The following GMPS variants were observed in gnomAD, a reference collection of about 807,000 sequenced individuals.
GMPS encodes GMP synthase [glutamine-hydrolyzing].
A neutral mutation model predicts 77.9 loss-of-function variants in GMPS; 15 were observed. The observed-to-expected ratio is 0.19, with a 90% CI of 0.13 to 0.30. The LOEUF is 0.30. Among genes scored for constraint, GMPS ranks in the 10% least tolerant of loss-of-function variants. The pLI is 1.00. For synonymous variants in GMPS, 224 were observed against 275.9 expected (o/e 0.81, Z 1.86); for missense variants, 590 against 838.8 (o/e 0.70, Z 3.66).
intron 1 of GMPS, among the ~76,000 whole-genome samples, chr3:155,882,495 C>T (rs879941154): frequency 2.0e-5 from 3 of 152,204 alleles, no homozygotes; most frequent in Admixed American, 1.3e-4. Context: ...TATCAGGTTT[C>T]TCATTAACCT....
At position 155,943,766 on chromosome 3, in the gene GMPS, G is replaced by A. The variant is rs2108165748; in HGVS notation, c.*6074G>A. ...TTTGTCATGAAGCTTCCGTGTTTAT[G>A]AGAAATTCCAAGAAGTAAGAGCCAA... On this transcript the variant is annotated 3_prime_UTR_variant, in exon 16 of 16. Coordinates refer to ENST00000496455, the MANE Select transcript of GMPS (RefSeq NM_003875.3). 6.3e-6 allele frequency: 1 copy of A among 159,662 alleles called. No homozygotes were observed. Among genetic ancestry groups the A allele is most frequent in the East Asian group, 1.5e-4 (1 of 6,682 alleles). The allele number at this position is 159,662 out of a possible 1,614,324, so 9.9% of individuals were successfully genotyped here. A position where few individuals can be genotyped will look rare whatever the true frequency, so the allele number is the denominator to read the frequency against.
At chr3:155,916,409 C>G (rs191595298) in intron 9 of GMPS, among the ~76,000 whole-genome samples, 30 of 152,216 alleles carry the variant, frequency 2.0e-4, no homozygotes, top group Admixed American at 6.5e-4. Context: ...CCCCCAGCTC[C>G]TCCTTTCCTC....
rs186724755 is a variant in GMPS at position 155,877,645 on chromosome 3, A to G, written c.27+6748A>G. On this transcript the variant is annotated intron_variant, in intron 1 of 15. Transcript: ENST00000496455. Reference sequence around the variant, plus strand: ...TCTGTTGGGGCCGCTAAAACAAAATACCAGAAACTGAGTGGCTTATGAACA... The same window carrying G: ...TCTGTTGGGGCCGCTAAAACAAAATGCCAGAAACTGAGTGGCTTATGAACA... Among the ~76,000 whole-genome samples the G allele has an allele frequency of 2.6e-5, 4 of 152,302 alleles. No individual in the cohort carries two copies. In the East Asian group the frequency reaches 7.7e-4, roughly 29 times the overall value.
intron 1 of GMPS, among the ~76,000 whole-genome samples, chr3:155,874,061 A>G (rs1337317073): frequency 1.3e-5 from 2 of 152,186 alleles, no homozygotes; most frequent in African/African-American, 4.8e-5. Flanking sequence ...CTGAGTCTCC[A>G]AAGTCCATTG....
At chr3:155,911,620 T>C (rs1755040241) in intron 7 of GMPS, among the ~76,000 whole-genome samples, 1 of 152,104 alleles carries the variant, frequency 6.6e-6, no homozygotes, top group Non-Finnish European at 1.5e-5. Flanking sequence ...GTGGATCACC[T>C]GAGGTCAGGA....
intron 1 of GMPS, among the ~76,000 whole-genome samples, chr3:155,882,653 AT>A (rs1754238193): frequency 6.6e-6 from 1 of 152,202 alleles, no homozygotes; most frequent in Admixed American, 6.5e-5. Context: ...AATCCAATAT[AT>A]TTTAAAAGCC....
At chr3:155,899,074 T>C (rs575098626) in intron 3 of GMPS, among the ~76,000 whole-genome samples, 2 of 134,560 alleles carry the variant, frequency 1.5e-5, no homozygotes, top group African/African-American at 5.7e-5. Flanking sequence ...CTATTAAAAA[T>C]AACAAAAGTT....
Position 155,889,258 on chromosome 3 carries a change from C to T in GMPS, c.28-4260C>T, listed in dbSNP as rs185005461. 1.1e-3 allele frequency among the ~76,000 whole-genome samples: 160 copies of T among 152,224 alleles called. 1 individual carries two copies. Among genetic ancestry groups the T allele is most frequent in the Non-Finnish European group, 1.1e-3 (77 of 68,014 alleles). ...TCTGTTCCTTCTCCCTTTTTCCTGT[C>T]CTGTTAGTTTTGGTCATCTCCCAGC... On this transcript the variant is annotated intron_variant, in intron 1 of 15. Transcript: ENST00000496455.
At position 155,903,900 on chromosome 3, in the gene GMPS, A is replaced by C; in HGVS notation, c.362A>C (p.Lys121Thr). The change falls in exon 4 of 16, where the codon AAA (lysine) becomes ACA (threonine). Residue 121 changes from lysine to threonine, a missense_variant. By Grantham distance (78) the Lys-to-Thr change is moderately conservative (BLOSUM62 -1). Around this residue, in one of 6 missense-constraint regions of GMPS, gnomAD observed 136 missense variants for 225.6 expected, o/e 0.60. Transcript: ENST00000496455. Reference protein sequence around the residue: ...NKVFGGTVHKKSVREDGVFNI... With the variant: ...NKVFGGTVHKTSVREDGVFNI... The stretch of plus-strand genomic sequence containing the variant: ...GTATTTGGAGGTACTGTGCACAAAA[A>C]AAGTGTCAGAGAAGATGGAGTTTTC... 1.9e-6 allele frequency: 3 copies of C among 1,562,318 alleles called. No individual in the cohort carries two copies. Among genetic ancestry groups the C allele is most frequent in the Non-Finnish European group, 1.7e-6 (2 of 1,145,264 alleles).
intron 12 of GMPS, among the ~76,000 whole-genome samples, chr3:155,926,040 C>T (rs1157121642): frequency 6.6e-6 from 1 of 152,108 alleles, no homozygotes; most frequent in Non-Finnish European, 1.5e-5. Flanking sequence ...GAGACAGGGT[C>T]TTGCCCTGTC....
intron 10 of GMPS, among the ~76,000 whole-genome samples, 191 bp downstream of exon 10, chr3:155,919,529 A>G (rs1159153919): frequency 6.6e-6 from 1 of 152,158 alleles, no homozygotes; most frequent in Non-Finnish European, 1.5e-5. Context: ...TTAAATACTC[A>G]TTTTCCATTG....
At chr3:155,914,265 T>C (rs1017108863) in intron 7 of GMPS, among the ~76,000 whole-genome samples, 154 bp from the exon 8 acceptor site, 11 of 152,108 alleles carry the variant, frequency 7.2e-5, no homozygotes, top group African/African-American at 1.9e-4. Flanking sequence ...TGAATATTGA[T>C]AGTTTATTGA....
intron 13 of GMPS, among the ~76,000 whole-genome samples, chr3:155,933,321 G>A (rs1281547187): frequency 6.6e-6 from 1 of 152,144 alleles, no homozygotes; most frequent in Non-Finnish European, 1.5e-5. Context: ...TTGGATAAGG[G>A]AATCTTTGTA....
At position 155,937,743 on chromosome 3, in the gene GMPS, A is replaced by G. The variant is rs989718305; in HGVS notation, c.*51A>G. 7 of 835,170 alleles carry G rather than the reference A, an allele frequency of 8.4e-6. No homozygotes were observed. The African/African-American group carries it at 1.2e-4, about 14-fold the overall frequency. The allele number at this position is 835,170 out of a possible 1,614,324, so 51.7% of individuals were successfully genotyped here. On this transcript the variant is annotated 3_prime_UTR_variant, in exon 16 of 16. Coordinates refer to ENST00000496455, the MANE Select transcript of GMPS (RefSeq NM_003875.3). ...CGTGTGCAGTTTAAATTGATTAGAA[A>G]TCATTCCCATTATTGACATGCAGTA...
chr3:155,899,629 A>T (rs767150073), intron 3 of GMPS, among the ~76,000 whole-genome samples: 1 of 152,146 alleles, frequency 6.6e-6, no homozygotes, highest in Non-Finnish European at 1.5e-5. Flanking sequence ...CAAAGTCCTT[A>T]GTTTAGATTA....
chr3:155,927,465 A>C (rs552470410), intron 12 of GMPS, among the ~76,000 whole-genome samples: 106 of 152,334 alleles, frequency 7.0e-4, no homozygotes, highest in African/African-American at 2.5e-3. Flanking sequence ...AGATAATCTG[A>C]TGAATGAGTG....
chr3:155,920,354 C>T (rs954994359), intron 10 of GMPS, among the ~76,000 whole-genome samples: 10 of 151,872 alleles, frequency 6.6e-5, no homozygotes, highest in African/African-American at 2.2e-4. Context: ...ACCTGCATGC[C>T]GGCGAAGAAT....
rs1047083656 is a variant in GMPS at position 155,941,201 on chromosome 3, G to C, written c.*3509G>C. 2 of 177,110 alleles carry C rather than the reference G, an allele frequency of 1.1e-5. No individual in the cohort carries two copies. The highest frequency in any genetic ancestry group is 2.4e-5 in the Non-Finnish European group (2 of 82,488). 11.0% of individuals were successfully genotyped at this position (177,110 alleles called of 1,614,324 possible). A position where few individuals can be genotyped will look rare whatever the true frequency, so the allele number is the denominator to read the frequency against. On this transcript the variant is annotated 3_prime_UTR_variant, in exon 16 of 16. Transcript: ENST00000496455. ...GGGTGGATCACGAGATCAGGAGATC[G>C]AGACCATCTTGGCTAACACGGTGAA...
In GMPS at chr3:155,940,393, T is replaced by C. The variant is rs945304246; in HGVS notation, c.*2701T>C. 4.4e-5 allele frequency: 9 copies of C among 203,312 alleles called. No homozygotes were observed. The Admixed American group carries it at 5.4e-4, about 12-fold the overall frequency. 12.6% of individuals were successfully genotyped at this position (203,312 alleles called of 1,614,324 possible). On this transcript the variant is annotated 3_prime_UTR_variant, in exon 16 of 16. Transcript: ENST00000496455. ...TAGGGTTACACTGTTTTCTAACCTT[T>C]TTTAAATCCCTTAATCTTGAGGTAA...
Sources: gnomAD v4.1 joint callset for allele counts (sites outside exome capture counted in the v4.1 genomes callset) on GRCh38, gnomAD v4.1.1 for gene constraint, gnomAD v4.1.1 regional missense constraint, MANE v1.5 for transcripts, NCBI Gene and HGNC (gene_info 2026-07-23, HGNC 2026-07-21) for gene names.